Variants in CDH13 observed in about 807,000 individuals in gnomAD.
The protein encoded by CDH13 is cadherin 13.
A neutral mutation model predicts 63.8 loss-of-function variants in CDH13; 24 were observed. That is an observed-to-expected ratio of 0.38 (90% confidence interval 0.27 to 0.53). The LOEUF (loss-of-function observed/expected upper bound fraction) is 0.53, where lower values mean the gene tolerates loss of function less well. CDH13 is among the 20% of genes least tolerant of loss of function. The probability of loss-of-function intolerance (pLI) is 0.85; values close to 1 mark genes in which losing one functional copy is unlikely to be tolerated. For synonymous variants in CDH13, 503 were observed against 355.3 expected (o/e 1.42, Z -4.67); for missense variants, 1,049 against 903.1 (o/e 1.16, Z -2.07).
At position 82,654,580 on chromosome 16, in the gene CDH13, ACT is replaced by A. The variant is rs529292159; in HGVS notation, c.45+27448_45+27449del. 4.5e-3 allele frequency among the ~76,000 whole-genome samples: 690 copies of A among 151,976 alleles called. 12 individuals carry two copies. The highest frequency in any genetic ancestry group is 0.044 in the Middle Eastern group (13 of 294). On this transcript the variant is annotated intron_variant, in intron 1 of 13. Coordinates refer to ENST00000567109, the MANE Select transcript of CDH13 (RefSeq NM_001257.5). Reference sequence around the variant, plus strand: ...GCTCTCAAATAATCCTGATTGACTGACTCTCTGCTTTGGGCATTCCCATTTTC... The same window carrying A: ...GCTCTCAAATAATCCTGATTGACTGACTCTGCTTTGGGCATTCCCATTTTC...
rs979295528 is a variant in CDH13 at position 83,334,078 on chromosome 16, A to G, written c.637-10784A>G. On this transcript the variant is annotated intron_variant, in intron 5 of 13. Coordinates refer to ENST00000567109, the MANE Select transcript of CDH13 (RefSeq NM_001257.5). Reference sequence around the variant, plus strand: ...CTTTTCTAGCTTCTAAAGGCCACGCACATTCCTGGCCTCATGGTACCTTTC... The same window carrying G: ...CTTTTCTAGCTTCTAAAGGCCACGCGCATTCCTGGCCTCATGGTACCTTTC... Among the ~76,000 whole-genome samples, 3 of 152,038 alleles carry G rather than the reference A, an allele frequency of 2.0e-5. No individual in the cohort carries two copies. The South Asian group carries it at 6.2e-4, about 32-fold the overall frequency.
chr16:83,651,825 C>G (rs1244310372), intron 8 of CDH13, among the ~76,000 whole-genome samples: 1 of 152,094 alleles, frequency 6.6e-6, no homozygotes, highest in Non-Finnish European at 1.5e-5. Flanking sequence ...AGACTCCTGA[C>G]CTCAGGTGAT....
Position 83,465,119 on chromosome 16 carries a change from T to C in CDH13, c.782-21358T>C, listed in dbSNP as rs140897901. Among the ~76,000 whole-genome samples, 794 of 152,314 alleles carry C rather than the reference T, an allele frequency of 5.2e-3. 9 individuals carry two copies. The highest frequency in any genetic ancestry group is 0.017 in the African/African-American group (713 of 41,576). ...CCCCATCACATTTGGCAAAGAGGGT[T>C]GCGGGGATTCATTAATCAACGAGCT... On this transcript the variant is annotated intron_variant, in intron 6 of 13. Transcript: ENST00000567109.
intron 10 of CDH13, among the ~76,000 whole-genome samples, chr16:83,745,664 C>T (rs1276306989): frequency 6.6e-6 from 1 of 152,172 alleles, no homozygotes; most frequent in Non-Finnish European, 1.5e-5. Context: ...TTGACCATCC[C>T]TTCTTCAGTG....
At chr16:83,661,493 A>AC in intron 8 of CDH13, among the ~76,000 whole-genome samples, 1 of 152,142 alleles carries the variant, frequency 6.6e-6, no homozygotes, top group South Asian at 2.1e-4. Flanking sequence ...AAAAAAAAAA[A>AC]AAAAAAATCT....
chr16:82,710,552 A>AATATATATATATATATATAT (rs1555537840), intron 1 of CDH13, among the ~76,000 whole-genome samples: 6 of 63,774 alleles, frequency 9.4e-5, no homozygotes, highest in African/African-American at 2.9e-4. Flanking sequence ...AAAAAAAAAA[A>AATATATATATATATATATAT]ATATATATAT....
intron 1 of CDH13, among the ~76,000 whole-genome samples, chr16:82,686,343 A>G (rs1434358973): frequency 1.3e-5 from 2 of 152,250 alleles, no homozygotes; most frequent in African/African-American, 2.4e-5. Flanking sequence ...ATGAGAGACT[A>G]GAACACAATC....
chr16:83,228,748 G>A (rs1423275395), intron 5 of CDH13, among the ~76,000 whole-genome samples: 2 of 152,206 alleles, frequency 1.3e-5, no homozygotes, highest in Non-Finnish European at 2.9e-5. Flanking sequence ...GCAAAGGTGG[G>A]ACTCGCATGC....
intron 5 of CDH13, among the ~76,000 whole-genome samples, chr16:83,238,199 A>T (rs182024488): frequency 6.8e-6 from 1 of 146,838 alleles, no homozygotes; most frequent in East Asian, 2.1e-4. Flanking sequence ...CTATGAAGAA[A>T]TACCTGAGAC....
chr16:83,378,244 A>G (rs974107204), intron 6 of CDH13, among the ~76,000 whole-genome samples: 1 of 152,168 alleles, frequency 6.6e-6, no homozygotes, highest in African/African-American at 2.4e-5. Flanking sequence ...CAAAACAACA[A>G]CTGAGAATCT....
intron 3 of CDH13, among the ~76,000 whole-genome samples, chr16:83,088,286 G>C (rs1346367921): frequency 6.6e-6 from 1 of 152,092 alleles, no homozygotes; most frequent in East Asian, 1.9e-4. Context: ...GTGCTTCCCT[G>C]GTGCCTTATT....
chr16:82,979,466 G>A lies in CDH13; in HGVS notation c.158-52544G>A, dbSNP rs545962709. Among the ~76,000 whole-genome samples the A allele has an allele frequency of 2.6e-5, 4 of 152,194 alleles. No homozygotes were observed. The South Asian group carries it at 6.2e-4, about 24-fold the overall frequency. ...GGAGGGACGTGGGGGGAGACGACTGGATCATGGGGGTGGTTACCCTCATGC... is the reference window on the plus strand; with the variant it reads ...GGAGGGACGTGGGGGGAGACGACTGAATCATGGGGGTGGTTACCCTCATGC... On this transcript the variant is annotated intron_variant, in intron 2 of 13. Coordinates refer to ENST00000567109, the MANE Select transcript of CDH13 (RefSeq NM_001257.5).
chr16:83,244,899 G>A (rs1904833665), intron 5 of CDH13, among the ~76,000 whole-genome samples: 1 of 152,100 alleles, frequency 6.6e-6, no homozygotes, highest in African/African-American at 2.4e-5. Context: ...TTGCCTGATA[G>A]GTTCCAAATC....
intron 10 of CDH13, among the ~76,000 whole-genome samples, chr16:83,704,911 C>T (rs1011542035): frequency 2.0e-5 from 3 of 152,222 alleles, no homozygotes; most frequent in Non-Finnish European, 4.4e-5. Context: ...GAGGCCAGTG[C>T]TCCCTGGAGT....
intron 6 of CDH13, among the ~76,000 whole-genome samples, chr16:83,366,585 T>A (rs2091261354): frequency 6.6e-6 from 1 of 152,170 alleles, no homozygotes; most frequent in Admixed American, 6.5e-5. Context: ...TAAGCTACCA[T>A]CATTAAGGAA....
chr16:82,679,090 C>G (rs1162760700), intron 1 of CDH13, among the ~76,000 whole-genome samples: 1 of 152,220 alleles, frequency 6.6e-6, no homozygotes, highest in African/African-American at 2.4e-5. Flanking sequence ...GGACACGGTT[C>G]CCATTATCCA....
chr16:83,575,945 C>G (rs1269535245), intron 7 of CDH13, among the ~76,000 whole-genome samples: 1 of 152,132 alleles, frequency 6.6e-6, no homozygotes, highest in Non-Finnish European at 1.5e-5. Context: ...ATTCACATAA[C>G]ATAAAATTAA....
chr16:83,329,686 C>A (rs528983468), intron 5 of CDH13, among the ~76,000 whole-genome samples: 2 of 152,134 alleles, frequency 1.3e-5, no homozygotes, highest in Non-Finnish European at 2.9e-5. Flanking sequence ...CCTTTGCCCC[C>A]TTTCTGTGTC....
At chr16:82,938,606 T>C (rs1288417949) in intron 2 of CDH13, among the ~76,000 whole-genome samples, 1 of 152,172 alleles carries the variant, frequency 6.6e-6, no homozygotes, top group Non-Finnish European at 1.5e-5. Flanking sequence ...ACACATGAGA[T>C]GACATGGGTT....
Sources: gnomAD v4.1 joint callset for allele counts (sites outside exome capture counted in the v4.1 genomes callset) on GRCh38, gnomAD v4.1.1 for gene constraint, MANE v1.5 for transcripts, NCBI Gene and HGNC (gene_info 2026-07-23, HGNC 2026-07-21) for gene names.